The following AGBL4 variants were observed in gnomAD, a reference collection of about 807,000 sequenced individuals.
AGBL4 encodes cytosolic carboxypeptidase 6.
AGBL4 carries 58 observed loss-of-function variants against 66.4 expected under a neutral mutation model. The observed-to-expected ratio is 0.87, with a 90% CI of 0.71 to 1.09. The LOEUF (loss-of-function observed/expected upper bound fraction) is 1.09, where lower values mean the gene tolerates loss of function less well. Among genes scored for constraint, AGBL4 ranks in the 50% least tolerant of loss-of-function variants. The pLI, the probability that AGBL4 is intolerant of heterozygous loss-of-function variation, is 0.00. For synonymous variants in AGBL4, 234 were observed against 222.9 expected (o/e 1.05, Z -0.44); for missense variants, 579 against 631.0 (o/e 0.92, Z 0.88).
At chr1:49,996,461 A>G (rs115638047) in intron 1 of AGBL4, among the ~76,000 whole-genome samples, 8,086 of 152,256 alleles carry the variant, frequency 0.053, 237 homozygotes, top group African/African-American at 0.071. Context: ...AGTAGAAGAA[A>G]GAACTTCAGA....
At chr1:48,903,075 T>C (rs929429379) in intron 5 of AGBL4, among the ~76,000 whole-genome samples, 2 of 152,190 alleles carry the variant, frequency 1.3e-5, no homozygotes, top group African/African-American at 4.8e-5. Context: ...TCTTATAATG[T>C]CATCCGGTGC....
intron 3 of AGBL4, among the ~76,000 whole-genome samples, chr1:49,612,980 C>T (rs1645181297): frequency 6.6e-6 from 1 of 152,126 alleles, no homozygotes; most frequent in South Asian, 2.1e-4. Flanking sequence ...ATGGAATCAA[C>T]TTAGATGCCC....
intron 3 of AGBL4, among the ~76,000 whole-genome samples, chr1:49,500,977 T>C (rs1422300639): frequency 6.6e-6 from 1 of 152,144 alleles, no homozygotes; most frequent in Non-Finnish European, 1.5e-5. Flanking sequence ...AGTATGATCA[T>C]TTTCACAATA....
chr1:48,576,020 G>A (rs751840168), intron 11 of AGBL4, among the ~76,000 whole-genome samples: 1 of 152,188 alleles, frequency 6.6e-6, no homozygotes, highest in African/African-American at 2.4e-5. Context: ...AGCCTCTAGA[G>A]CCACAGAGAA....
At chr1:49,126,136 T>C (rs1645759597) in intron 4 of AGBL4, among the ~76,000 whole-genome samples, 1 of 152,118 alleles carries the variant, frequency 6.6e-6, no homozygotes, top group Admixed American at 6.6e-5. Flanking sequence ...AATTAACTGA[T>C]GCTGCTAGGA....
At chr1:48,660,774 T>C (rs1646094617) in intron 7 of AGBL4, among the ~76,000 whole-genome samples, 2 of 152,196 alleles carry the variant, frequency 1.3e-5, no homozygotes, top group Admixed American at 1.3e-4. Context: ...GGTAAGCCAT[T>C]GTGCTTCCCT....
chr1:48,662,011 G>A (rs1451936624), intron 7 of AGBL4, among the ~76,000 whole-genome samples: 2 of 152,188 alleles, frequency 1.3e-5, no homozygotes, highest in African/African-American at 2.4e-5. Flanking sequence ...CAAGCTGGTC[G>A]GCTTTGGGCA....
At chr1:48,684,399 G>A (rs1170540233) in intron 6 of AGBL4, among the ~76,000 whole-genome samples, 1 of 152,224 alleles carries the variant, frequency 6.6e-6, no homozygotes, top group Non-Finnish European at 1.5e-5. Flanking sequence ...CCCCGCCAGA[G>A]CACTAACGTA....
chr1:49,916,715 A>G (rs1354761092), intron 1 of AGBL4, among the ~76,000 whole-genome samples: 1 of 152,186 alleles, frequency 6.6e-6, no homozygotes, highest in African/African-American at 2.4e-5. Context: ...CAACATTCAC[A>G]TTCAGGAAAT....
At chr1:49,938,776 C>T (rs1411158548) in intron 1 of AGBL4, among the ~76,000 whole-genome samples, 1 of 152,104 alleles carries the variant, frequency 6.6e-6, no homozygotes, top group Non-Finnish European at 1.5e-5. Context: ...GCAGAAAAGA[C>T]CTTTAAGAAA....
intron 6 of AGBL4, among the ~76,000 whole-genome samples, chr1:48,669,312 T>C (rs995190145): frequency 7.2e-5 from 11 of 152,148 alleles, no homozygotes; most frequent in Non-Finnish European, 4.4e-5. Context: ...ATTTACTGAG[T>C]GACAAGCCGT....
At chr1:49,993,435 T>C (rs151282421) in intron 1 of AGBL4, among the ~76,000 whole-genome samples, 1 of 152,198 alleles carries the variant, frequency 6.6e-6, no homozygotes, top group African/African-American at 2.4e-5. Context: ...TCTACTCTTC[T>C]ATCCAGACAG....
At position 49,045,602 on chromosome 1, in the gene AGBL4, C is replaced by T. The variant is rs1197060170; in HGVS notation, c.576G>A (p.Glu192=). 2 of 1,604,384 alleles carry T rather than the reference C, an allele frequency of 1.2e-6. No homozygotes were observed. Among genetic ancestry groups the T allele is most frequent in the Non-Finnish European group, 1.7e-6 (2 of 1,175,320 alleles). Residue 192 remains glutamate, a synonymous_variant, in exon 5 of 14, where the codon GAG becomes GAA. Transcript: ENST00000371839. ...GCCTTACCACACTCTGGCCCAGCTG[C>T]TCCCGAAAGAAGTAATCCATGTTTC... ...QKRNMDYFFR[E]QLGQSVQQRK...
intron 3 of AGBL4, among the ~76,000 whole-genome samples, chr1:49,594,392 A>G (rs1360736952): frequency 1.3e-5 from 2 of 152,156 alleles, no homozygotes; most frequent in East Asian, 3.9e-4. Context: ...CAAGTGCAGA[A>G]CATGCAGGTT....
Position 49,680,049 on chromosome 1 carries a change from C to CTTT in AGBL4, c.282+17261_282+17263dup, listed in dbSNP as rs61150148. Reference sequence around the variant, plus strand: ...AAGATTTTCTTCTTCTTCTTCTTCCCTTTTTTTTTTTTTTTTTTTTGAGAT... The same window carrying CTTT: ...AAGATTTTCTTCTTCTTCTTCTTCCCTTTTTTTTTTTTTTTTTTTTTTTGAGAT... On this transcript the variant is annotated intron_variant, in intron 3 of 13. Transcript: ENST00000371839. Among the ~76,000 whole-genome samples the CTTT allele has an allele frequency of 4.7e-3, 560 of 118,048 alleles. 11 individuals are homozygous for CTTT. The highest frequency in any genetic ancestry group is 0.015 in the African/African-American group (473 of 31,600). The allele number at this position is 118,048 out of a possible 152,430, so 77.4% of individuals were successfully genotyped here.
intron 6 of AGBL4, among the ~76,000 whole-genome samples, chr1:48,749,479 A>G (rs1359336404): frequency 4.6e-5 from 7 of 152,214 alleles, no homozygotes; most frequent in Non-Finnish European, 8.8e-5. Context: ...AACTTGCCAG[A>G]AGTCACATAG....
At chr1:48,984,750 C>G (rs1660048662) in intron 5 of AGBL4, among the ~76,000 whole-genome samples, 1 of 151,596 alleles carries the variant, frequency 6.6e-6, no homozygotes, top group Non-Finnish European at 1.5e-5. Flanking sequence ...ATAATCTGAC[C>G]TACGGTGAAA....
At chr1:49,581,318 T>C (rs1434388392) in intron 3 of AGBL4, among the ~76,000 whole-genome samples, 1 of 152,196 alleles carries the variant, frequency 6.6e-6, no homozygotes, top group South Asian at 2.1e-4. Context: ...TTAAAATCAA[T>C]ACTTTGAGTT....
intron 3 of AGBL4, among the ~76,000 whole-genome samples, chr1:49,664,191 C>T (rs1646320661): frequency 6.6e-6 from 1 of 151,972 alleles, no homozygotes; most frequent in Admixed American, 6.6e-5. Context: ...AAGCACAACA[C>T]ATTATCTACA....
Sources: allele counts gnomAD v4.1 joint callset (sites outside exome capture counted in the v4.1 genomes callset), GRCh38; gene constraint gnomAD v4.1.1; transcripts MANE v1.5; gene names NCBI Gene and HGNC (gene_info 2026-07-23, HGNC 2026-07-21).